Variants in ADORA2B observed in about 807,000 individuals in gnomAD.
The protein encoded by ADORA2B is adenosine A2b receptor, also known as adenosine receptor A2b.
A neutral mutation model predicts 20.8 loss-of-function variants in ADORA2B; 18 were observed. The ratio of observed to expected loss-of-function variants is 0.87; its 90% CI spans 0.60 to 1.29. The LOEUF (loss-of-function observed/expected upper bound fraction) is 1.29, where lower values mean the gene tolerates loss of function less well. Ranked by LOEUF, ADORA2B falls within the 50% of genes most tolerant of loss-of-function variation. The pLI is 0.00. For synonymous variants in ADORA2B, 179 were observed against 178.3 expected (o/e 1.00, Z -0.03); for missense variants, 441 against 422.7 (o/e 1.04, Z -0.38).
chr17:15,904,695 T>G, the ADORA2B span, among the ~76,000 whole-genome samples: 1 of 152,176 alleles, frequency 6.6e-6, no homozygotes, highest in African/African-American at 2.4e-5. Context: ...GCTTTTTACA[T>G]TGAGGTCTGT....
chr17:15,903,266 C>T, the ADORA2B span, among the ~76,000 whole-genome samples: 1 of 152,064 alleles, frequency 6.6e-6, no homozygotes, highest in Non-Finnish European at 1.5e-5. Flanking sequence ...AATAAAAGGC[C>T]TAGGTTCAAA....
chr17:15,965,064 A>G (rs1293191451), intron 1 of ADORA2B, among the ~76,000 whole-genome samples: 2 of 89,804 alleles, frequency 2.2e-5, no homozygotes, highest in Non-Finnish European at 4.7e-5. Flanking sequence ...TGTCTCAAAA[A>G]CAAACAAACA....
the ADORA2B span, among the ~76,000 whole-genome samples, chr17:15,914,832 C>T: frequency 6.6e-6 from 1 of 152,330 alleles, no homozygotes; most frequent in Non-Finnish European, 1.5e-5. Context: ...TGGCAACTGA[C>T]ACAGGAGAAT....
At chr17:15,969,961 T>C (rs2015353) in intron 1 of ADORA2B, among the ~76,000 whole-genome samples, 72,495 of 152,078 alleles carry the variant, frequency 0.48, 17,897 homozygotes, top group Middle Eastern at 0.6. Context: ...TGTTGTTCTC[T>C]CGGCCTGGTA....
the ADORA2B span, among the ~76,000 whole-genome samples, chr17:15,917,228 C>G: frequency 1.6e-4 from 24 of 152,346 alleles, no homozygotes; most frequent in African/African-American, 5.8e-4. Flanking sequence ...CGCTTGAACC[C>G]GAGAGATAGA....
At chr17:15,935,903 G>T in the ADORA2B span, among the ~76,000 whole-genome samples, 8 of 133,908 alleles carry the variant, frequency 6.0e-5, no homozygotes, top group African/African-American at 2.3e-4. Context: ...GTCTCGCTCT[G>T]TCGCCCAGGC....
At chr17:15,895,159 G>GTAGA in the ADORA2B span, among the ~76,000 whole-genome samples, 1 of 152,094 alleles carries the variant, frequency 6.6e-6, no homozygotes, top group Non-Finnish European at 1.5e-5. Context: ...CCTCATCTAA[G>GTAGA]TAGACTTAAT....
chr17:15,962,753 G>A (rs1597427801), intron 1 of ADORA2B, among the ~76,000 whole-genome samples: 1 of 152,238 alleles, frequency 6.6e-6, no homozygotes, highest in South Asian at 2.1e-4. Context: ...CCTGACCTCA[G>A]GCAATTCACC....
chr17:15,885,031 C>T, the ADORA2B span, among the ~76,000 whole-genome samples: 11 of 152,290 alleles, frequency 7.2e-5, no homozygotes, highest in East Asian at 9.7e-4. Context: ...ATTTACACTC[C>T]GACCAGCAGT....
At chr17:15,888,854 T>A in the ADORA2B span, among the ~76,000 whole-genome samples, 80 of 33,344 alleles carry the variant, frequency 2.4e-3, no homozygotes, top group South Asian at 7.0e-3. Flanking sequence ...ATATATATTT[T>A]TTTTTTTTTT....
the ADORA2B span, among the ~76,000 whole-genome samples, chr17:15,899,627 T>C: frequency 6.6e-6 from 1 of 152,170 alleles, no homozygotes; most frequent in African/African-American, 2.4e-5. Flanking sequence ...CCCCAGTGTC[T>C]ATTGTCCCAT....
At chr17:15,910,571 T>G in the ADORA2B span, among the ~76,000 whole-genome samples, 103 of 152,340 alleles carry the variant, frequency 6.8e-4, no homozygotes, top group African/African-American at 2.1e-3. Context: ...AGTGCTGGGA[T>G]TACAGGCATG....
upstream of ADORA2B, among the ~76,000 whole-genome samples, chr17:15,942,201 A>G (rs1969751301): frequency 6.6e-6 from 1 of 152,150 alleles, no homozygotes; most frequent in African/African-American, 2.4e-5. Flanking sequence ...TAGTGGAAGC[A>G]GTGGAGCAGT....
chr17:15,954,689 C>A (rs925098424), intron 1 of ADORA2B, among the ~76,000 whole-genome samples: 12 of 152,280 alleles, frequency 7.9e-5, no homozygotes, highest in African/African-American at 2.9e-4. Flanking sequence ...ATCGCTTGAG[C>A]CCAGGAGGTT....
At chr17:15,867,741 T>G in the ADORA2B span, among the ~76,000 whole-genome samples, 2 of 143,092 alleles carry the variant, frequency 1.4e-5, no homozygotes, top group African/African-American at 5.3e-5. Context: ...CGGCCGCCCC[T>G]ACTGGGAAGT....
chr17:15,858,887 C>G, the ADORA2B span: 1 of 152,382 alleles, frequency 6.6e-6, no homozygotes, highest in African/African-American at 2.4e-5. Context: ...ATGGACGTGT[C>G]ATGGACGTTA....
intron 1 of ADORA2B, among the ~76,000 whole-genome samples, chr17:15,972,441 A>G: frequency 6.6e-6 from 1 of 152,232 alleles, no homozygotes; most frequent in Non-Finnish European, 1.5e-5. Flanking sequence ...TTTATACATT[A>G]CATATGTATT....
the ADORA2B span, among the ~76,000 whole-genome samples, chr17:15,925,034 TG>T: frequency 6.6e-6 from 1 of 151,394 alleles, no homozygotes; most frequent in Non-Finnish European, 1.5e-5. Flanking sequence ...CCACCACACC[TG>T]GTTATTTTAT....
In ADORA2B at chr17:15,957,479, A is replaced by G. The variant is rs369450636; in HGVS notation, c.335+11896A>G. 1.8e-4 allele frequency among the ~76,000 whole-genome samples: 27 copies of G among 152,174 alleles called. 1 individual carries two copies. Among genetic ancestry groups the G allele is most frequent in the Admixed American group, 1.0e-3 (16 of 15,284 alleles). ...AAGACAGGGCACACGGGACAGGTTC[A>G]AGAGGACTTGGTGACTCAGTTGGAT... On this transcript the variant is annotated intron_variant, in intron 1 of 1. Transcript: ENST00000304222.
Sources: gnomAD v4.1 joint callset for allele counts (sites outside exome capture counted in the v4.1 genomes callset) on GRCh38, gnomAD v4.1.1 for gene constraint, MANE v1.5 for transcripts, NCBI Gene and HGNC (gene_info 2026-07-23, HGNC 2026-07-21) for gene names.